INPP4B: variants seen among roughly 807,000 people sequenced by gnomAD.
INPP4B encodes the protein inositol polyphosphate-4-phosphatase type II B.
Under a neutral mutation model 122.5 loss-of-function variants are expected in INPP4B, and 55 were observed. The ratio of observed to expected loss-of-function variants is 0.45; its 90% confidence interval spans 0.36 to 0.56. The LOEUF is 0.56. INPP4B is among the 20% of genes least tolerant of loss of function. The pLI, the probability that INPP4B is intolerant of heterozygous loss-of-function variation, is 0.00. For synonymous variants in INPP4B, 403 were observed against 388.7 expected (o/e 1.04, Z -0.43); for missense variants, 1,000 against 1,097.7 (o/e 0.91, Z 1.26).
At chr4:142,687,341 T>A (rs1412781555) in intron 2 of INPP4B, among the ~76,000 whole-genome samples, 1 of 151,804 alleles carries the variant, frequency 6.6e-6, no homozygotes, top group African/African-American at 2.4e-5. Context: ...AGCCCAAAAC[T>A]GAGGAATGAG....
At chr4:142,484,377 TAC>T (rs1454496155) in intron 2 of INPP4B, among the ~76,000 whole-genome samples, 1 of 152,020 alleles carries the variant, frequency 6.6e-6, no homozygotes, top group Non-Finnish European at 1.5e-5. Flanking sequence ...AATTAAGTCA[TAC>T]ACAGTTATTA....
chr4:142,242,276 A>G (rs1485720624), intron 11 of INPP4B, among the ~76,000 whole-genome samples: 2 of 152,206 alleles, frequency 1.3e-5, no homozygotes. Context: ...GGCTTCAGAA[A>G]AGTGAGGGTA....
At chr4:142,167,530 C>A (rs1296517046) in intron 16 of INPP4B, among the ~76,000 whole-genome samples, 1 of 151,760 alleles carries the variant, frequency 6.6e-6, no homozygotes, top group Non-Finnish European at 1.5e-5. Context: ...GCACGTACTG[C>A]ACATGTATCC....
At chr4:142,255,599 G>A (rs1029620641) in intron 11 of INPP4B, among the ~76,000 whole-genome samples, 10 of 152,224 alleles carry the variant, frequency 6.6e-5, no homozygotes, top group Non-Finnish European at 1.2e-4. Flanking sequence ...GACCAAAAGC[G>A]ACAAAGAAGG....
chr4:142,760,722 T>C (rs1771208697), intron 1 of INPP4B, among the ~76,000 whole-genome samples: 1 of 152,160 alleles, frequency 6.6e-6, no homozygotes, highest in Non-Finnish European at 1.5e-5. Flanking sequence ...ATTGGACTTT[T>C]TATGAAGAAA....
intron 7 of INPP4B, among the ~76,000 whole-genome samples, chr4:142,345,656 C>T (rs1336227805): frequency 1.3e-5 from 2 of 152,000 alleles, no homozygotes; most frequent in African/African-American, 2.4e-5. Flanking sequence ...ATCATCAATT[C>T]ATTTCATTCA....
At chr4:142,475,533 T>C (rs1032606354) in intron 2 of INPP4B, among the ~76,000 whole-genome samples, 3 of 152,098 alleles carry the variant, frequency 2.0e-5, no homozygotes, top group African/African-American at 7.2e-5. Flanking sequence ...AGAATATGGA[T>C]TGGAATGAAG....
intron 2 of INPP4B, among the ~76,000 whole-genome samples, chr4:142,612,277 G>T (rs1742714825): frequency 6.6e-6 from 1 of 152,166 alleles, no homozygotes; most frequent in African/African-American, 2.4e-5. Flanking sequence ...TCATTTGTAT[G>T]CAGAAAGAAA....
rs536574986 is a variant in INPP4B, at chr4:142,429,248, T to A, written c.92-31A>T. On this transcript the variant is annotated intron_variant, in intron 4 of 25. Transcript: ENST00000262992. ...AATAATAGGAGCAAATTCAGATTTT[T>A]AAAAAATTGAATTATCAAGAATATG... The A allele has an allele frequency of 1.2e-4, 147 of 1,267,396 alleles. 1 individual carries two copies. Among genetic ancestry groups the A allele is most frequent in the Non-Finnish European group, 1.5e-4 (130 of 884,178 alleles). 78.5% of individuals were successfully genotyped at this position (1,267,396 alleles called of 1,614,324 possible). A position where few individuals can be genotyped will look rare whatever the true frequency, so the allele number is the denominator to read the frequency against.
rs56908599 is a variant in INPP4B, at chr4:142,268,322, CAAA to C, written c.615+2338_615+2340del. On this transcript the variant is annotated intron_variant, in intron 10 of 25. Transcript: ENST00000262992. ...TGGGTGACAGAGCAAGACTCCGTCTCAAAAAAAAAAAAAAAAAAAAAAAATGAG... is the reference window on the plus strand; with the variant it reads ...TGGGTGACAGAGCAAGACTCCGTCTCAAAAAAAAAAAAAAAAAAAAATGAG... Among the ~76,000 whole-genome samples, 31 of 6,908 alleles carry C rather than the reference CAAA, an allele frequency of 4.5e-3. No individual in the cohort carries two copies. The South Asian group carries it at 0.067, about 15-fold the overall frequency. The allele number at this position is 6,908 out of a possible 152,430, so 4.5% of individuals were successfully genotyped here.
intron 10 of INPP4B, among the ~76,000 whole-genome samples, chr4:142,262,109 T>C (rs1740354788): frequency 6.6e-6 from 1 of 152,210 alleles, no homozygotes; most frequent in Non-Finnish European, 1.5e-5. Context: ...TTTTCAATAT[T>C]ACCTCTAATT....
intron 2 of INPP4B, among the ~76,000 whole-genome samples, chr4:142,489,827 A>G (rs889873409): frequency 2.6e-5 from 4 of 152,276 alleles, no homozygotes; most frequent in African/African-American, 7.2e-5. Context: ...AGTACATTCA[A>G]ATGTAGAATA....
At chr4:142,041,553 G>A (rs1224214376) in intron 25 of INPP4B, among the ~76,000 whole-genome samples, 1 of 152,028 alleles carries the variant, frequency 6.6e-6, no homozygotes, top group East Asian at 1.9e-4. Flanking sequence ...GGGAGGCGGA[G>A]GTTGCAGTGA....
rs1181063524 is a variant in INPP4B, at chr4:142,842,519, ATATAT to A, written c.-254+3685_-254+3689del. On this transcript the variant is annotated intron_variant, in intron 1 of 25. Transcript: ENST00000262992. Reference sequence around the variant, plus strand: ...TGTGCCTTATTTAAAAAACTATTACATATATTATATTATAATATATACAATATCTA... The same window carrying A: ...TGTGCCTTATTTAAAAAACTATTACATATATTATAATATATACAATATCTA... Among the ~76,000 whole-genome samples the A allele has an allele frequency of 4.2e-5, 5 of 118,590 alleles. No homozygotes were observed. In the East Asian group the frequency reaches 1.1e-3, roughly 25 times the overall value. The allele number at this position is 118,590 out of a possible 152,430, so 77.8% of individuals were successfully genotyped here. A position where few individuals can be genotyped will look rare whatever the true frequency, so the allele number is the denominator to read the frequency against.
rs202162635 is a variant in INPP4B, at chr4:142,259,352, A to T, written c.688+1140T>A. 2.6e-5 allele frequency among the ~76,000 whole-genome samples: 4 copies of T among 151,460 alleles called. No homozygotes were observed. The East Asian group carries it at 7.7e-4, about 29-fold the overall frequency. ...ACATGTACCCTAAAACTTAAAGTATAATAATAATAAATAAATAAAAAAAAA... is the reference window on the plus strand; with the variant it reads ...ACATGTACCCTAAAACTTAAAGTATTATAATAATAAATAAATAAAAAAAAA... On this transcript the variant is annotated intron_variant, in intron 11 of 25. Transcript: ENST00000262992.
chr4:142,704,894 G>A (rs144429977), intron 2 of INPP4B, among the ~76,000 whole-genome samples: 235 of 152,212 alleles, frequency 1.5e-3, no homozygotes, highest in African/African-American at 5.6e-3. Context: ...CAGTAATCTG[G>A]CTTTTGCTTC....
intron 23 of INPP4B, among the ~76,000 whole-genome samples, chr4:142,095,528 G>T (rs180902756): frequency 5.9e-5 from 9 of 152,242 alleles, no homozygotes; most frequent in African/African-American, 1.9e-4. Flanking sequence ...CAAAAGGGAT[G>T]ATGAGTCTCA....
intron 15 of INPP4B, among the ~76,000 whole-genome samples, chr4:142,176,148 A>ATTAT (rs2152958876): frequency 6.8e-6 from 1 of 147,344 alleles, no homozygotes; most frequent in South Asian, 2.1e-4. Flanking sequence ...TATTATTATT[A>ATTAT]TTATTATACT....
Position 142,452,715 on chromosome 4 carries a change from T to A in INPP4B, c.-127+9948A>T, listed in dbSNP as rs182951268. Among the ~76,000 whole-genome samples, 21 of 152,350 alleles carry A rather than the reference T, an allele frequency of 1.4e-4. No individual in the cohort carries two copies. The East Asian group carries it at 3.7e-3, about 27-fold the overall frequency. The stretch of plus-strand genomic sequence containing the variant: ...TCTGCTGTTCAGTGTGTGACACTTT[T>A]GGTTGCTTCTCACATGTCATCTAAA... On this transcript the variant is annotated intron_variant, in intron 3 of 25. Transcript: ENST00000262992.
Sources: gnomAD v4.1 joint callset for allele counts (sites outside exome capture counted in the v4.1 genomes callset) on GRCh38, gnomAD v4.1.1 for gene constraint, MANE v1.5 for transcripts, NCBI Gene and HGNC (gene_info 2026-07-23, HGNC 2026-07-21) for gene names.